CST7: variants seen among roughly 807,000 people sequenced by gnomAD.
CST7 encodes the protein cystatin F, also known as cystatin-F.
In CST7, 15 loss-of-function variants were observed where a neutral mutation model predicts 13.1. The ratio of observed to expected loss-of-function variants is 1.14; its 90% CI spans 0.77 to 1.76. CST7 has a LOEUF of 1.76. Among genes scored for constraint, CST7 ranks in the 40% most tolerant of loss-of-function variants. The pLI is 0.00. For missense variants in CST7, 193 were observed against 178.8 expected, an observed-to-expected ratio of 1.08 and a Z score of -0.45; for synonymous variants, 75 against 66.9, an observed-to-expected ratio of 1.12 and a Z score of -0.59.
chr20:24,956,900 T>C (rs2087858374), intron 1 of CST7, among the ~76,000 whole-genome samples: 1 of 147,388 alleles, frequency 6.8e-6, no homozygotes, highest in South Asian at 2.2e-4. Flanking sequence ...CCCTGGGTTC[T>C]GAAAGTGGGG....
chr20:24,951,019 C>T (rs781174770), intron 1 of CST7, among the ~76,000 whole-genome samples: 3 of 152,168 alleles, frequency 2.0e-5, no homozygotes, highest in Non-Finnish European at 4.4e-5. Context: ...ACGGAGCAGG[C>T]TAGGGACTAT....
chr20:24,955,208 C>T (rs1568805446), intron 1 of CST7, among the ~76,000 whole-genome samples: 1 of 152,156 alleles, frequency 6.6e-6, no homozygotes, highest in Non-Finnish European at 1.5e-5. Flanking sequence ...AAGCCACATT[C>T]AACTTCCTGT....
rs900164043 is a variant in CST7, at chr20:24,957,408, G to C, written c.192G>C (p.Thr64=). Residue 64 remains threonine, a synonymous_variant, in exon 2 of 4, where the codon ACG becomes ACC. Coordinates refer to ENST00000480798, the MANE Select transcript of CST7 (RefSeq NM_003650.4). ...RYSVEKFNNC[T]NDMFLFKESR... is the part of the protein sequence containing the mutation. ...GTGTTGAAAAGTTCAACAACTGCAC[G>C]AACGACATGTTCTTGTTCAAGGAGT... 3 of 1,613,724 alleles carry C rather than the reference G, an allele frequency of 1.9e-6. No homozygotes were observed. The highest frequency in any genetic ancestry group is 2.5e-6 in the Non-Finnish European group (3 of 1,179,786).
chr20:24,953,224 A>C (rs377323690), intron 1 of CST7, among the ~76,000 whole-genome samples: 4 of 152,294 alleles, frequency 2.6e-5, no homozygotes, highest in South Asian at 4.1e-4. Context: ...GCTGCAGCAG[A>C]AAAGCAGGGT....
At position 24,957,324 on chromosome 20, in the gene CST7, A is replaced by G. The variant is rs912950304; in HGVS notation, c.108A>G (p.Pro36=). 7 of 1,613,682 alleles carry G rather than the reference A, an allele frequency of 4.3e-6. No individual in the cohort carries two copies. Among genetic ancestry groups the G allele is most frequent in the Non-Finnish European group, 5.9e-6 (7 of 1,179,740 alleles). ...CSQDLNSRVK[P]GFPKTIKTND... Reference sequence around the variant, plus strand: ...AGGACCTTAACTCACGTGTGAAGCCAGGATTTCCTAAAACAATAAAGACCA... The same window carrying G: ...AGGACCTTAACTCACGTGTGAAGCCGGGATTTCCTAAAACAATAAAGACCA... The change falls in exon 2 of 4, where the codon CCA becomes CCG. Residue 36 remains proline (P), a synonymous_variant. Transcript: ENST00000480798.
intron 1 of CST7, among the ~76,000 whole-genome samples, chr20:24,950,064 A>G (rs1463834798): frequency 1.3e-5 from 2 of 151,940 alleles, no homozygotes; most frequent in Non-Finnish European, 2.9e-5. Flanking sequence ...ACTCAGGGGG[A>G]GGGGGGACAG....
At chr20:24,955,921 T>A (rs531682190) in intron 1 of CST7, among the ~76,000 whole-genome samples, 2 of 152,136 alleles carry the variant, frequency 1.3e-5, no homozygotes, top group Non-Finnish European at 2.9e-5. Flanking sequence ...TTTTTTGGGA[T>A]GGAAGGCCAG....
chr20:24,949,559 T>C lies in CST7; in HGVS notation c.54T>C (p.Thr18=), dbSNP rs753347342. 4.9e-5 allele frequency: 79 copies of C among 1,614,110 alleles called. No homozygotes were observed. The highest frequency in any genetic ancestry group is 2.0e-4 in the Admixed American group (12 of 60,020). Residue 18 remains threonine, a synonymous_variant, in exon 1 of 4, where the codon ACT becomes ACC. Transcript: ENST00000480798. Reference sequence around the variant, plus strand: ...TCTGCTGCCTGGTCTTGAGCACCACTGGGGGCCCTTCCCCAGGTAAGTGGC... The same window carrying C: ...TCTGCTGCCTGGTCTTGAGCACCACCGGGGGCCCTTCCCCAGGTAAGTGGC... The part of the protein sequence containing the change: ...LAFCCLVLST[T]GGPSPDTCSQ...
At chr20:24,952,987 G>A (rs779223630) in intron 1 of CST7, among the ~76,000 whole-genome samples, 2 of 152,176 alleles carry the variant, frequency 1.3e-5, no homozygotes, top group Non-Finnish European at 2.9e-5. Flanking sequence ...GGTTGGCTTA[G>A]TGCCAGCTCT....
chr20:24,949,567 C>T lies in CST7; in HGVS notation c.62C>T (p.Pro21Leu). ...CCLVLSTTGG[P>L]SPDTCSQDLN... ...CTGGTCTTGAGCACCACTGGGGGCCCTTCCCCAGGTAAGTGGCGTTCTCCC... is the reference window on the plus strand; with the variant it reads ...CTGGTCTTGAGCACCACTGGGGGCCTTTCCCCAGGTAAGTGGCGTTCTCCC... The change falls in exon 1 of 4, where the codon CCT becomes CTT. Residue 21 changes from proline to leucine, a missense_variant. Coordinates refer to ENST00000480798, the MANE Select transcript of CST7 (RefSeq NM_003650.4). 1.9e-6 allele frequency: 3 copies of T among 1,614,086 alleles called. No homozygotes were observed. Among genetic ancestry groups the T allele is most frequent in the Non-Finnish European group, 2.5e-6 (3 of 1,180,014 alleles).
rs1490942298 is a variant in CST7, at chr20:24,949,603, C to T, written c.70+28C>T. 5.0e-6 allele frequency: 8 copies of T among 1,612,836 alleles called. No homozygotes were observed. The South Asian group carries it at 5.5e-5, about 11-fold the overall frequency. On this transcript the variant is annotated intron_variant, in intron 1 of 3. Coordinates refer to ENST00000480798, the MANE Select transcript of CST7 (RefSeq NM_003650.4). ...AAGTGGCGTTCTCCCCTGTCCGCTC[C>T]CCGGGGGTCTCTCCCTGAGATTGGC...
At chr20:24,959,572 C>A (rs941282036) in intron 3 of CST7, 63 bp from the exon 4 acceptor site, 8 of 1,505,462 alleles carry the variant, frequency 5.3e-6, no homozygotes, top group Non-Finnish European at 6.5e-6. Context: ...ACCACCCCTC[C>A]ACGGGCAGAG....
rs141828767 is a variant in CST7 at position 24,958,965 on chromosome 20, T to G, written c.281T>G (p.Ile94Ser). Residue 94 changes from isoleucine to serine, a missense_variant, in exon 3 of 4, where the codon ATT becomes AGT. By Grantham distance (142) the Ile-to-Ser change is moderately radical (BLOSUM62 -2). Coordinates refer to ENST00000480798, the MANE Select transcript of CST7 (RefSeq NM_003650.4). ...KGLKYMLEVEIGRTTCKKNQH... is the reference protein window; with the variant it reads ...KGLKYMLEVESGRTTCKKNQH... ...CTGAAATATATGCTGGAGGTGGAAA[T>G]TGGCAGAACTACCTGCAAGAAAAAC... 6.2e-7 allele frequency: 1 copy of G among 1,613,986 alleles called. No individual in the cohort carries two copies. Among genetic ancestry groups the G allele is most frequent in the Non-Finnish European group, 8.5e-7 (1 of 1,179,916 alleles).
intron 1 of CST7, 115 bp downstream of exon 1, chr20:24,949,690 C>A: frequency 2.2e-6 from 3 of 1,371,480 alleles, no homozygotes; most frequent in Admixed American, 2.2e-5. Context: ...CAGGACCATG[C>A]GGTGGTGAGA....
At chr20:24,955,767 A>C (rs1415381606) in intron 1 of CST7, among the ~76,000 whole-genome samples, 4 of 152,148 alleles carry the variant, frequency 2.6e-5, no homozygotes, top group Admixed American at 6.5e-5. Context: ...AGGCTGCAGC[A>C]GTTTCAGGGG....
intron 1 of CST7, among the ~76,000 whole-genome samples, chr20:24,949,952 T>C (rs2087809544): frequency 6.6e-6 from 1 of 152,228 alleles, no homozygotes; most frequent in African/African-American, 2.4e-5. Context: ...ATCTGATGGC[T>C]TGTCATTCCT....
At chr20:24,957,040 A>AT (rs2087861162) in intron 1 of CST7, among the ~76,000 whole-genome samples, 3 of 1,500 alleles carry the variant, frequency 2.0e-3, no homozygotes, top group South Asian at 0.016. Flanking sequence ...AGCAGGTGAG[A>AT]GGGGGCAGGT....
At chr20:24,956,915 G>A (rs1251386456) in intron 1 of CST7, among the ~76,000 whole-genome samples, 4 of 143,332 alleles carry the variant, frequency 2.8e-5, no homozygotes, top group African/African-American at 1.1e-4. Context: ...GTGGGGGACA[G>A]GTTCATTGCA....
At position 24,959,034 on chromosome 20, in the gene CST7, C is replaced by T; in HGVS notation, c.350C>T (p.Thr117Ile). 6.2e-7 allele frequency: 1 copy of T among 1,613,172 alleles called. No individual in the cohort carries two copies. Among genetic ancestry groups the T allele is most frequent in the Non-Finnish European group, 8.5e-7 (1 of 1,179,162 alleles). ...LDDCDFQTNH[T>I]LKQTLSCYSE... Reference sequence around the variant, plus strand: ...GACTGTGACTTCCAAACCAACCACACCTTGAAGCAGGTAAAGCAGCAGGCC... The same window carrying T: ...GACTGTGACTTCCAAACCAACCACATCTTGAAGCAGGTAAAGCAGCAGGCC... The change falls in exon 3 of 4, where the codon ACC becomes ATC. Residue 117 changes from threonine (T) to isoleucine (I), a missense_variant. By Grantham distance (89) the Thr-to-Ile change is moderately conservative. Transcript: ENST00000480798.
Sources: gnomAD v4.1 joint callset for allele counts (sites outside exome capture counted in the v4.1 genomes callset) on GRCh38, gnomAD v4.1.1 for gene constraint, MANE v1.5 for transcripts, NCBI Gene and HGNC (gene_info 2026-07-23, HGNC 2026-07-21) for gene names.